Variants in PAQR9 observed in about 807,000 individuals in gnomAD.
PAQR9 encodes the protein membrane progestin receptor epsilon.
A neutral mutation model predicts 24.0 loss-of-function variants in PAQR9; 12 were observed. The observed-to-expected ratio is 0.50, with a 90% confidence interval of 0.32 to 0.81. The LOEUF (loss-of-function observed/expected upper bound fraction) is 0.81. Among genes scored for constraint, PAQR9 ranks in the 30% least tolerant of loss-of-function variants. PAQR9 has a pLI of 0.03. For missense variants in PAQR9, 418 were observed against 520.8 expected (o/e 0.80, Z 1.92); for synonymous variants, 266 against 237.6 (o/e 1.12, Z -1.10).
chr3:142,953,650 G>A (rs932421474), downstream of PAQR9, among the ~76,000 whole-genome samples: 1 of 152,140 alleles, frequency 6.6e-6, no homozygotes, highest in Non-Finnish European at 1.5e-5. Flanking sequence ...ATAGTGGAAT[G>A]CCTGTGGACC....
rs544343280 is a variant in PAQR9, at chr3:142,957,609, T to G, written c.*4594A>C. ...TTATTACACTATAAAATTCAGACAC[T>G]TAAAGACATCTCAATTTAGGCACTT... On this transcript the variant is annotated 3_prime_UTR_variant, in exon 1 of 1. Transcript: ENST00000340634. 8.5e-5 allele frequency among the ~76,000 whole-genome samples: 13 copies of G among 152,340 alleles called. No individual in the cohort carries two copies. In the East Asian group the frequency reaches 2.5e-3, roughly 29 times the overall value.
At chr3:142,952,769 G>T (rs758177824), downstream of PAQR9, 1 of 456,662 alleles carries the variant, frequency 2.2e-6, no homozygotes, top group South Asian at 1.5e-5. Flanking sequence ...CAAGAAGAGT[G>T]GGGAGGGACA....
rs556594637 is a variant in PAQR9 at position 142,959,366 on chromosome 3, C to T, written c.*2837G>A. On this transcript the variant is annotated 3_prime_UTR_variant, in exon 1 of 1. Transcript: ENST00000340634. Reference sequence around the variant, plus strand: ...AAATTTAATAAATTCAGCAAATAAACTGTATAGTTTAACAAATCATCCCTG... The same window carrying T: ...AAATTTAATAAATTCAGCAAATAAATTGTATAGTTTAACAAATCATCCCTG... Among the ~76,000 whole-genome samples the T allele has an allele frequency of 1.3e-5, 2 of 152,228 alleles. No individual in the cohort carries two copies. The highest frequency in any genetic ancestry group is 3.9e-4 in the East Asian group (2 of 5,186).
rs540462702 is a variant in PAQR9, at chr3:142,956,885, T to A, written c.*5318A>T. ...GACATCCATTTTCACAATTAAGAAA[T>A]AATTATTCACAATACCGAAGAAGCC... is the stretch of plus-strand genomic sequence containing the variant. On this transcript the variant is annotated 3_prime_UTR_variant, in exon 1 of 1. Coordinates refer to ENST00000340634, the MANE Select transcript of PAQR9 (RefSeq NM_198504.4). Among the ~76,000 whole-genome samples, 51 of 152,298 alleles carry A rather than the reference T, an allele frequency of 3.3e-4. 1 individual carries two copies. The highest frequency in any genetic ancestry group is 1.1e-3 in the African/African-American group (45 of 41,570).
At position 142,962,129 on chromosome 3, in the gene PAQR9, AAAC is replaced by A; in HGVS notation, c.*71_*73del. ...AAGAAGAAAACACAATGAAATTTGAAAACAAACCAACAATAGCAACAACAGAAA... is the reference window on the plus strand; with the variant it reads ...AAGAAGAAAACACAATGAAATTTGAAAAACCAACAATAGCAACAACAGAAA... On this transcript the variant is annotated 3_prime_UTR_variant, in exon 1 of 1. Coordinates refer to ENST00000340634, the MANE Select transcript of PAQR9 (RefSeq NM_198504.4). 1 of 1,492,020 alleles carries A rather than the reference AAAC, an allele frequency of 6.7e-7. No homozygotes were observed. The highest frequency in any genetic ancestry group is 1.4e-5 in the African/African-American group (1 of 71,740). 92.4% of individuals were successfully genotyped at this position (1,492,020 alleles called of 1,614,324 possible).
Position 142,957,659 on chromosome 3 carries a change from T to C in PAQR9, c.*4544A>G, listed in dbSNP as rs528348130. ...TTGGATGATCCACTCTTCATAATAG[T>C]ATGAATACTATCAATCTTCCAATAG... On this transcript the variant is annotated 3_prime_UTR_variant, in exon 1 of 1. Coordinates refer to ENST00000340634, the MANE Select transcript of PAQR9 (RefSeq NM_198504.4). Among the ~76,000 whole-genome samples the C allele has an allele frequency of 1.3e-5, 2 of 152,340 alleles. No homozygotes were observed. Among genetic ancestry groups the C allele is most frequent in the East Asian group, 3.9e-4 (2 of 5,192 alleles).
In PAQR9 at chr3:142,962,562, G is replaced by A; in HGVS notation, c.775C>T (p.Leu259Phe). 6.2e-7 allele frequency: 1 copy of A among 1,613,990 alleles called. No homozygotes were observed. Among genetic ancestry groups the A allele is most frequent in the Non-Finnish European group, 8.5e-7 (1 of 1,180,028 alleles). Residue 259 changes from leucine (L) to phenylalanine (F), a missense_variant, in exon 1 of 1, where the codon CTC becomes TTC. Leu to Phe is a conservative substitution (Grantham distance 22, BLOSUM62 0). Transcript: ENST00000340634. The stretch of plus-strand genomic sequence containing the variant: ...CGCAGGTCGAAGAGCCAGCTCTCGA[G>A]CATAATGGGGCAGGCCATGCTGAGC... ...MPLSMACPIM[L>F]ESWLFDLRGE...
rs1285287174 is a variant in PAQR9, at chr3:142,962,419, A to AGAG, written c.917_918insCTC (p.Ile306_Ile307insSer). ...GGAAGAGCTGGTGGCTGTGGCCGATAATGTCGAAAAGACCCGGCTGGATGC... is the reference window on the plus strand; with the variant it reads ...GGAAGAGCTGGTGGCTGTGGCCGATAGAGATGTCGAAAAGACCCGGCTGGATGC... On this transcript the variant is annotated inframe_insertion, in exon 1 of 1. Coordinates refer to ENST00000340634, the MANE Select transcript of PAQR9 (RefSeq NM_198504.4). 1 of 1,614,148 alleles carries AGAG rather than the reference A, an allele frequency of 6.2e-7. No individual in the cohort carries two copies. Among genetic ancestry groups the AGAG allele is most frequent in the African/African-American group, 1.3e-5 (1 of 75,056 alleles).
At chr3:142,950,441 T>A (rs1342031787), downstream of PAQR9, 2 of 252,860 alleles carry the variant, frequency 7.9e-6, no homozygotes, top group African/African-American at 4.5e-5. Context: ...CCAAGAAGAG[T>A]TGTTGATTTT....
At position 142,955,557 on chromosome 3, in the gene PAQR9, C is replaced by G. The variant is rs1222453525; in HGVS notation, c.*6646G>C. On this transcript the variant is annotated 3_prime_UTR_variant, in exon 1 of 1. Transcript: ENST00000340634. Reference sequence around the variant, plus strand: ...ATATAGTGATGGCATGGGGCTTATTCTTCTTTCTATTCTGAAGAAACAAGG... The same window carrying G: ...ATATAGTGATGGCATGGGGCTTATTGTTCTTTCTATTCTGAAGAAACAAGG... Among the ~76,000 whole-genome samples, 1 of 138,758 alleles carries G rather than the reference C, an allele frequency of 7.2e-6. No homozygotes were observed. The highest frequency in any genetic ancestry group is 7.6e-5 in the Admixed American group (1 of 13,154). 91.0% of individuals were successfully genotyped at this position (138,758 alleles called of 152,430 possible). A position where few individuals can be genotyped will look rare whatever the true frequency, so the allele number is the denominator to read the frequency against.
At position 142,963,424 on chromosome 3, in the gene PAQR9, G is replaced by A; in HGVS notation, c.-88C>T. The A allele has an allele frequency of 9.4e-7, 1 of 1,060,494 alleles. No homozygotes were observed. 65.7% of individuals were successfully genotyped at this position (1,060,494 alleles called of 1,614,324 possible). A position where few individuals can be genotyped will look rare whatever the true frequency, so the allele number is the denominator to read the frequency against. On this transcript the variant is annotated 5_prime_UTR_variant, in exon 1 of 1. Coordinates refer to ENST00000340634, the MANE Select transcript of PAQR9 (RefSeq NM_198504.4). ...GCAGCCCCCGCCGGCCGCCGTCGGA[G>A]CCTTTGTGCCCACGCCGGGGGCGTC...
Position 142,960,419 on chromosome 3 carries a change from C to G in PAQR9, c.*1784G>C, listed in dbSNP as rs931478596. ...TGATCATCCTGCCCAAGACCTTCAA[C>G]TAGGCAGTGGAGATCAAGCCCAAGA... On this transcript the variant is annotated 3_prime_UTR_variant, in exon 1 of 1. Coordinates refer to ENST00000340634, the MANE Select transcript of PAQR9 (RefSeq NM_198504.4). 9.2e-5 allele frequency: 14 copies of G among 152,382 alleles called. No homozygotes were observed. Among genetic ancestry groups the G allele is most frequent in the African/African-American group, 3.1e-4 (13 of 41,462 alleles). The allele number at this position is 152,382 out of a possible 1,614,324, so 9.4% of individuals were successfully genotyped here.
rs767890169 is a variant in PAQR9, at chr3:142,957,160, A to G, written c.*5043T>C. Among the ~76,000 whole-genome samples, 17 of 152,250 alleles carry G rather than the reference A, an allele frequency of 1.1e-4. No homozygotes were observed. The highest frequency in any genetic ancestry group is 5.9e-4 in the Admixed American group (9 of 15,280). On this transcript the variant is annotated 3_prime_UTR_variant, in exon 1 of 1. Coordinates refer to ENST00000340634, the MANE Select transcript of PAQR9 (RefSeq NM_198504.4). Reference sequence around the variant, plus strand: ...GGAAACAAAGTAAGGGCTTTAAGCCAGGAGATAAATGTACCACTCAAAATA... The same window carrying G: ...GGAAACAAAGTAAGGGCTTTAAGCCGGGAGATAAATGTACCACTCAAAATA...
chr3:142,963,542 G>A lies in PAQR9; in HGVS notation c.-206C>T. ...AGAATCAATTAATAGGCAGCGCTGC[G>A]ACCGCCAGGAGCGCGGAGCGCGCGA... On this transcript the variant is annotated 5_prime_UTR_variant, in exon 1 of 1. Coordinates refer to ENST00000340634, the MANE Select transcript of PAQR9 (RefSeq NM_198504.4). 4 of 990,420 alleles carry A rather than the reference G, an allele frequency of 4.0e-6. No homozygotes were observed. The highest frequency in any genetic ancestry group is 4.8e-6 in the Non-Finnish European group (4 of 832,294). 61.4% of individuals were successfully genotyped at this position (990,420 alleles called of 1,614,324 possible). A position where few individuals can be genotyped will look rare whatever the true frequency, so the allele number is the denominator to read the frequency against.
Position 142,962,983 on chromosome 3 carries a change from C to T in PAQR9, c.354G>A (p.Trp118Ter). Residue 118 changes from tryptophan (W) to a stop codon, truncating the protein, a stop_gained, in exon 1 of 1, where the codon TGG becomes TGA. Coordinates refer to ENST00000340634, the MANE Select transcript of PAQR9 (RefSeq NM_198504.4). LOFTEE classifies it high-confidence loss of function. Reference protein sequence around the residue: ...SGGDVPFHHPWLLPLWCYASG... With the variant: ...SGGDVPFHHP ...ACGCGTAGCACCACAACGGTAGCAG[C>T]CACGGGTGGTGGAAGGGCACGTCGC... The T allele has an allele frequency of 6.2e-7, 1 of 1,614,124 alleles. No homozygotes were observed. The highest frequency in any genetic ancestry group is 8.5e-7 in the Non-Finnish European group (1 of 1,180,020).
chr3:142,963,926 G>T (rs534836345), upstream of PAQR9: 81 of 979,022 alleles, frequency 8.3e-5, no homozygotes, highest in African/African-American at 1.2e-3. Flanking sequence ...GCTGGTCGGC[G>T]ACGCGGCGGC....
rs375322782 is a variant in PAQR9, at chr3:142,959,153, C to T, written c.*3050G>A. On this transcript the variant is annotated 3_prime_UTR_variant, in exon 1 of 1. Transcript: ENST00000340634. Reference sequence around the variant, plus strand: ...ACTGAATTCTTATTTATAATTTGTCCTACATTTCAAACAGCTGAACACAAT... The same window carrying T: ...ACTGAATTCTTATTTATAATTTGTCTTACATTTCAAACAGCTGAACACAAT... 1.1e-4 allele frequency among the ~76,000 whole-genome samples: 17 copies of T among 152,212 alleles called. 1 individual carries two copies. The highest frequency in any genetic ancestry group is 5.2e-4 in the Admixed American group (8 of 15,290).
rs763004104 is a variant in PAQR9 at position 142,962,856 on chromosome 3, T to C, written c.481A>G (p.Ile161Val). The part of the protein sequence containing the change: ...AAFFYLDYAS[I>V]SYYGFGSTVA... ...GTGCTGCCGAAGCCGTAGTAGCTGA[T>C]GGACGCGTAGTCCAGGTAGAAGAAG... is the stretch of plus-strand genomic sequence containing the variant. The change falls in exon 1 of 1, where the codon ATC (isoleucine) becomes GTC (valine). Residue 161 changes from isoleucine to valine, a missense_variant. By Grantham distance (29) the Ile-to-Val change is conservative. Transcript: ENST00000340634. 5 of 1,613,554 alleles carry C rather than the reference T, an allele frequency of 3.1e-6. No homozygotes were observed. The highest frequency in any genetic ancestry group is 3.4e-6 in the Non-Finnish European group (4 of 1,179,974).
At position 142,962,636 on chromosome 3, in the gene PAQR9, T is replaced by C; in HGVS notation, c.701A>G (p.Asp234Gly). 1 of 1,611,668 alleles carries C rather than the reference T, an allele frequency of 6.2e-7. No individual in the cohort carries two copies. Among genetic ancestry groups the C allele is most frequent in the Non-Finnish European group, 8.5e-7 (1 of 1,179,102 alleles). ...CAGCGCGAACGGGTAGGTACACCAG[T>C]CGGTACGGCTCTTGCAGCAGGCCAC... ...CTVACCKSRT[D>G]WCTYPFALRT... is the part of the protein sequence containing the mutation. Residue 234 changes from aspartate (D) to glycine (G), a missense_variant, in exon 1 of 1, where the codon GAC (aspartate) becomes GGC (glycine). Physicochemically the swap from Asp to Gly is moderately conservative, Grantham distance 94. Around this residue, in one of 3 missense-constraint regions of PAQR9, gnomAD observed 230 missense variants for 305.2 expected, o/e 0.75. Transcript: ENST00000340634.
Sources: allele counts gnomAD v4.1 joint callset (sites outside exome capture counted in the v4.1 genomes callset), GRCh38; gene constraint gnomAD v4.1.1; regional missense constraint gnomAD v4.1.1; transcripts MANE v1.5; gene names NCBI Gene and HGNC (gene_info 2026-07-23, HGNC 2026-07-21).